GNAO1: variants seen among roughly 807,000 people sequenced by gnomAD.
The protein encoded by GNAO1 is G protein subunit alpha o1, also known as guanine nucleotide-binding protein G(o) subunit alpha.
For missense variants in GNAO1, 166 were observed against 478.7 expected (o/e 0.35, Z 6.10); for synonymous variants, 164 against 180.7 (o/e 0.91, Z 0.74).
chr16:56,320,945 G>C (rs985846085), intron 3 of GNAO1, among the ~76,000 whole-genome samples: 16 of 152,214 alleles, frequency 1.1e-4, no homozygotes, highest in African/African-American at 3.6e-4. Flanking sequence ...CCTTTAGTGT[G>C]CAGCATGTAT....
intron 2 of GNAO1, among the ~76,000 whole-genome samples, chr16:56,216,362 C>CG (rs1269345951): frequency 6.6e-6 from 1 of 152,148 alleles, no homozygotes; most frequent in Non-Finnish European, 1.5e-5. Context: ...GCCACTCAGC[C>CG]GGGGGAGGTA....
chr16:56,265,219 G>A (rs1341730704), intron 2 of GNAO1, among the ~76,000 whole-genome samples: 2 of 152,334 alleles, frequency 1.3e-5, no homozygotes, highest in East Asian at 3.9e-4. Context: ...GGCCCATTCA[G>A]ATGATGAGAC....
intron 2 of GNAO1, 110 bp downstream of exon 2, chr16:56,192,726 GCACACACACA>G (rs60037687): frequency 2.3e-5 from 13 of 564,888 alleles, no homozygotes; most frequent in South Asian, 2.0e-4. Flanking sequence ...TTTAATTCGT[GCACACACACA>G]CACACACACA....
Position 56,238,711 on chromosome 16 carries a change from C to T in GNAO1, c.162-37220C>T, listed in dbSNP as rs2036665438. Among the ~76,000 whole-genome samples, 3 of 152,200 alleles carry T rather than the reference C, an allele frequency of 2.0e-5. No individual in the cohort carries two copies. The South Asian group carries it at 6.2e-4, about 32-fold the overall frequency. ...TGGCATAGCATGTGCTTCCCACACA[C>T]GCATTTTTTAAAGTAATAATTTTGT... On this transcript the variant is annotated intron_variant, in intron 2 of 8. Coordinates refer to ENST00000262493, the MANE Select transcript of GNAO1 (RefSeq NM_020988.3).
At chr16:56,334,590 T>C in intron 4 of GNAO1, 139 bp from the exon 5 acceptor site, 2 of 872,410 alleles carry the variant, frequency 2.3e-6, no homozygotes, top group South Asian at 3.4e-5. Context: ...CCCTATGGCC[T>C]GGAATGGAGG....
intron 6 of GNAO1, chr16:56,341,127 A>C: frequency 1.4e-6 from 1 of 712,876 alleles, no homozygotes; most frequent in Non-Finnish European, 2.4e-6. Context: ...CCCTGCCCCC[A>C]GATTGTGCTC....
intron 2 of GNAO1, among the ~76,000 whole-genome samples, chr16:56,243,951 G>A (rs2036718308): frequency 6.6e-6 from 1 of 152,190 alleles, no homozygotes; most frequent in African/African-American, 2.4e-5. Context: ...GGAAACTGAG[G>A]CAGAGTTGCC....
chr16:56,268,952 A>T (rs1202241539), intron 2 of GNAO1, among the ~76,000 whole-genome samples: 2 of 151,722 alleles, frequency 1.3e-5, no homozygotes, highest in African/African-American at 4.8e-5. Flanking sequence ...GTCTGTCCCT[A>T]CCTCCACTGG....
At chr16:56,296,277 C>A (rs187126414) in intron 3 of GNAO1, among the ~76,000 whole-genome samples, 23 of 152,132 alleles carry the variant, frequency 1.5e-4, no homozygotes, top group African/African-American at 4.6e-4. Context: ...TTTTTTTAGA[C>A]CCCCTTACTT....
rs536816768 is a variant in GNAO1 at position 56,347,731 on chromosome 16, C to T, written c.724-3653C>T. 140 of 984,988 alleles carry T rather than the reference C, an allele frequency of 1.4e-4. No homozygotes were observed. The East Asian group carries it at 3.7e-3, about 26-fold the overall frequency. The allele number at this position is 984,988 out of a possible 1,614,324, so 61.0% of individuals were successfully genotyped here. On this transcript the variant is annotated intron_variant, in intron 6 of 8. Transcript: ENST00000262493. ...GCACCACTTCCTGGCAGTGCAGCTCCGAGGCACCACTACTGTCCTCCCCTT... is the reference window on the plus strand; with the variant it reads ...GCACCACTTCCTGGCAGTGCAGCTCTGAGGCACCACTACTGTCCTCCCCTT...
In GNAO1 at chr16:56,311,996, A is replaced by C. The variant is rs2037463369; in HGVS notation, c.304-16635A>C. Among the ~76,000 whole-genome samples, 1 of 152,102 alleles carries C rather than the reference A, an allele frequency of 6.6e-6. No individual in the cohort carries two copies. Among genetic ancestry groups the C allele is most frequent in the African/African-American group, 2.4e-5 (1 of 41,414 alleles). ...AAGCCCTCTGGGAGCTGAGAAGAGC[A>C]GGTGATAGCAGCTGGAGAGGTCCCA... On this transcript the variant is annotated intron_variant, in intron 3 of 8. Transcript: ENST00000262493. The surrounding 1 kb of genome is among the most constrained non-coding windows in gnomAD (Gnocchi z 5.2).
chr16:56,299,171 A>C (rs2037317080), intron 3 of GNAO1, among the ~76,000 whole-genome samples: 2 of 152,246 alleles, frequency 1.3e-5, no homozygotes, highest in African/African-American at 4.8e-5. Context: ...AGGCTTGCCT[A>C]ACTCCAAAGG....
intron 4 of GNAO1, among the ~76,000 whole-genome samples, chr16:56,332,449 C>A (rs2037698673): frequency 6.6e-6 from 1 of 152,240 alleles, no homozygotes; most frequent in Non-Finnish European, 1.5e-5. Flanking sequence ...TAGCAGCCCC[C>A]AGCAGCTCTC....
chr16:56,309,543 C>T (rs1341266648), intron 3 of GNAO1, among the ~76,000 whole-genome samples: 1 of 152,216 alleles, frequency 6.6e-6, no homozygotes, highest in African/African-American at 2.4e-5. Flanking sequence ...AGCAGGAGGT[C>T]TGCGGGCTTG....
At chr16:56,337,794 C>G (rs946771700) in intron 6 of GNAO1, among the ~76,000 whole-genome samples, 35 of 152,286 alleles carry the variant, frequency 2.3e-4, no homozygotes, top group African/African-American at 6.5e-4. Flanking sequence ...CTGCGTGGTC[C>G]CCTTCTGGGC....
At chr16:56,207,053 A>T (rs1288011812) in intron 2 of GNAO1, among the ~76,000 whole-genome samples, 1 of 152,232 alleles carries the variant, frequency 6.6e-6, no homozygotes, top group Non-Finnish European at 1.5e-5. Flanking sequence ...CCTTACATTT[A>T]AGTAGTCTTT....
intron 3 of GNAO1, among the ~76,000 whole-genome samples, chr16:56,290,728 C>T (rs1354444373): frequency 3.9e-5 from 6 of 152,298 alleles, no homozygotes; most frequent in African/African-American, 1.2e-4. Context: ...TCCTGGAACC[C>T]GGCCCCTCTC....
chr16:56,303,362 G>A (rs920805158), intron 3 of GNAO1, among the ~76,000 whole-genome samples: 9 of 152,218 alleles, frequency 5.9e-5, no homozygotes, highest in African/African-American at 2.2e-4. Flanking sequence ...AGCCCCATGT[G>A]GAGGCTGGCG....
At chr16:56,267,075 C>G (rs1239635259) in intron 2 of GNAO1, among the ~76,000 whole-genome samples, 1 of 152,194 alleles carries the variant, frequency 6.6e-6, no homozygotes, top group Non-Finnish European at 1.5e-5. Context: ...TCCAGCACCA[C>G]TGGCCACAAG....
Sources: gnomAD v4.1 joint callset for allele counts (sites outside exome capture counted in the v4.1 genomes callset) on GRCh38, gnomAD v4.1.1 for gene constraint, Gnocchi (gnomAD v3.1) non-coding constraint, MANE v1.5 for transcripts, NCBI Gene and HGNC (gene_info 2026-07-23, HGNC 2026-07-21) for gene names.